Variants in ATP11C observed in about 807,000 individuals in gnomAD.
ATP11C encodes the protein ATPase phospholipid transporting 11C (ATP11C blood group), also known as phospholipid-transporting ATPase IG.
A neutral mutation model predicts 97.4 loss-of-function variants in ATP11C; 36 were observed. The observed-to-expected ratio is 0.37, with a 90% CI of 0.28 to 0.49. ATP11C has a LOEUF of 0.49. Among genes scored for constraint, ATP11C ranks in the 20% least tolerant of loss-of-function variants. The pLI, the probability that ATP11C is intolerant of heterozygous loss-of-function variation, is 0.98. For synonymous variants in ATP11C, 275 were observed against 290.9 expected (o/e 0.95, Z 0.56); for missense variants, 730 against 824.6 (o/e 0.89, Z 1.40).
chrX:139,799,644 CTTTTTTTTTTTTTTTTT>C (rs754371113), intron 8 of ATP11C, among the ~76,000 whole-genome samples: 1 of 60,368 alleles, frequency 1.7e-5, no homozygotes, highest in Non-Finnish European at 2.7e-5. Context: ...CTTTATATTC[CTTTTTTTTTTTTTTTTT>C]TTTTTTTTGA....
intron 1 of ATP11C, among the ~76,000 whole-genome samples, chrX:139,891,197 C>CAA (rs35280856): frequency 0.11 from 3,985 of 35,285 alleles, 153 homozygotes; most frequent in Non-Finnish European, 0.16. Flanking sequence ...AGAGATTGGC[C>CAA]AAAAAAAAAA....
At chrX:139,863,121 T>C (rs2084229557) in intron 1 of ATP11C, among the ~76,000 whole-genome samples, 1 of 112,339 alleles carries the variant, frequency 8.9e-6, no homozygotes, top group African/African-American at 3.2e-5. Flanking sequence ...TAATGACTTG[T>C]TCAGGGAAAA....
At chrX:139,908,924 A>T (rs903171691) in intron 1 of ATP11C, among the ~76,000 whole-genome samples, 13 of 111,960 alleles carry the variant, frequency 1.2e-4, no homozygotes, top group Non-Finnish European at 1.7e-4. Flanking sequence ...CTTTAGGACC[A>T]TGCCAACTGG....
At chrX:139,799,200 G>A (rs762282562) in intron 8 of ATP11C, among the ~76,000 whole-genome samples, 2 of 111,670 alleles carry the variant, frequency 1.8e-5, no homozygotes, top group Admixed American at 1.9e-4. Flanking sequence ...TTTGAGTGTG[G>A]CTGTAAAGGC....
At chrX:139,841,428 C>A (rs1371920231) in intron 1 of ATP11C, among the ~76,000 whole-genome samples, 1 of 112,526 alleles carries the variant, frequency 8.9e-6, no homozygotes, top group Non-Finnish European at 1.9e-5. Context: ...ATTGTTTCTA[C>A]AAAGGGTGAG....
chrX:139,884,698 G>A (rs2084612829), intron 1 of ATP11C, among the ~76,000 whole-genome samples: 1 of 111,833 alleles, frequency 8.9e-6, no homozygotes, highest in Non-Finnish European at 1.9e-5. Flanking sequence ...ACTTGAGAAG[G>A]AGTGAAAAGT....
At chrX:139,802,367 A>G (rs2067273417) in intron 6 of ATP11C, 28 bp from the exon 7 acceptor site, 7 of 1,017,921 alleles carry the variant, frequency 6.9e-6, no homozygotes, top group Non-Finnish European at 9.6e-6. Context: ...AAAAAGTGAA[A>G]ACCAAAAAAA....
intron 5 of ATP11C, among the ~76,000 whole-genome samples, chrX:139,810,080 G>T (rs1460783758): frequency 8.9e-6 from 1 of 112,070 alleles, no homozygotes; most frequent in South Asian, 3.7e-4. Flanking sequence ...AAAGTAAAAC[G>T]TATGACAACA....
chrX:139,737,104 CA>C (rs2148617504), intron 28 of ATP11C, among the ~76,000 whole-genome samples: 1 of 110,355 alleles, frequency 9.1e-6, no homozygotes, highest in East Asian at 2.9e-4. Context: ...TAGTTGGTGT[CA>C]ATATGACAGA....
intron 1 of ATP11C, among the ~76,000 whole-genome samples, chrX:139,925,985 T>C (rs745744990): frequency 8.9e-6 from 1 of 112,208 alleles, no homozygotes; most frequent in Non-Finnish European, 1.9e-5. Context: ...TGTGTGGGCA[T>C]AGGGCATCCT....
chrX:139,896,984 T>C (rs1284043886), intron 1 of ATP11C, among the ~76,000 whole-genome samples: 2 of 110,939 alleles, frequency 1.8e-5, no homozygotes, highest in Non-Finnish European at 3.8e-5. Flanking sequence ...TCCCAGCACT[T>C]TGGAAGGCCG....
intron 1 of ATP11C, chrX:139,832,412 C>T: frequency 1.4e-6 from 1 of 700,412 alleles, no homozygotes; most frequent in East Asian, 3.9e-5. Flanking sequence ...AGTACTCTGG[C>T]GGCCTTAGCC....
Position 139,800,079 on chromosome X carries a change from T to G in ATP11C, c.691A>C (p.Ser231Arg). 9.2e-7 allele frequency: 1 copy of G among 1,088,192 alleles called. No homozygotes were observed. Among genetic ancestry groups the G allele is most frequent in the Non-Finnish European group, 1.2e-6 (1 of 820,777 alleles). The allele number at this position is 1,088,192 out of a possible 1,213,427, so 89.7% of individuals were successfully genotyped here. ...ACTTACCTGGCAACAGCCTCAAGAC[T>G]ATTACTGTAGATATTGATTCGCCCA... ...FVGRINIYSN[S>R]LEAVARSLGP... is the part of the protein sequence containing the mutation. The change falls in exon 8 of 30, where the codon AGT becomes CGT. Residue 231 changes from serine (S) to arginine (R), a missense_variant. Coordinates refer to ENST00000682941, the MANE Select transcript of ATP11C (RefSeq NM_001353812.2).
intron 1 of ATP11C, among the ~76,000 whole-genome samples, chrX:139,925,106 A>C: frequency 9.0e-6 from 1 of 111,721 alleles, no homozygotes; most frequent in East Asian, 2.8e-4. Flanking sequence ...AGGTGAACAG[A>C]GAGTGTGCCC....
chrX:139,774,815 G>C lies in ATP11C; in HGVS notation c.2091C>G (p.Leu697=). The part of the protein sequence containing the change: ...ACRLFQTNTE[L]LELTTKTIEE... ...CAATGGTTTTTGTGGTTAGTTCTAA[G>C]AGCTCAGTGTTGGTCTGGAAAAGGC... is the stretch of plus-strand genomic sequence containing the variant. The change falls in exon 19 of 30, where the codon CTC becomes CTG. Residue 697 remains leucine (L), a synonymous_variant. Coordinates refer to ENST00000682941, the MANE Select transcript of ATP11C (RefSeq NM_001353812.2). 1 of 1,211,589 alleles carries C rather than the reference G, an allele frequency of 8.3e-7. No homozygotes were observed. The highest frequency in any genetic ancestry group is 1.1e-6 in the Non-Finnish European group (1 of 895,476).
chrX:139,727,991 A>C lies in ATP11C; in HGVS notation c.*975T>G, dbSNP rs979886246. Reference sequence around the variant, plus strand: ...AGAAAAAGCACTGCATATATGCATAAATGCAATCTCTTTCAAATAAAAACC... The same window carrying C: ...AGAAAAAGCACTGCATATATGCATACATGCAATCTCTTTCAAATAAAAACC... On this transcript the variant is annotated 3_prime_UTR_variant, in exon 30 of 30. Coordinates refer to ENST00000682941, the MANE Select transcript of ATP11C (RefSeq NM_001353812.2). 2 of 112,564 alleles carry C rather than the reference A, an allele frequency of 1.8e-5. No homozygotes were observed. Among genetic ancestry groups the C allele is most frequent in the Non-Finnish European group, 3.8e-5 (2 of 53,135 alleles). 9.3% of individuals were successfully genotyped at this position (112,564 alleles called of 1,213,427 possible).
chrX:139,864,669 C>A (rs1041559224), intron 1 of ATP11C, among the ~76,000 whole-genome samples: 18 of 112,208 alleles, frequency 1.6e-4, no homozygotes, highest in Non-Finnish European at 3.8e-5. Context: ...CCATCACCAT[C>A]ACCCACGCTC....
chrX:139,907,335 C>G (rs918678595), intron 1 of ATP11C, among the ~76,000 whole-genome samples: 1 of 111,682 alleles, frequency 9.0e-6, no homozygotes, highest in African/African-American at 3.3e-5. Flanking sequence ...TTTCTGTCAC[C>G]TTCCTAAAGA....
intron 29 of ATP11C, among the ~76,000 whole-genome samples, chrX:139,731,142 C>T (rs1274639987): frequency 9.0e-6 from 1 of 111,430 alleles, no homozygotes; most frequent in Non-Finnish European, 1.9e-5. Flanking sequence ...TTTACAAGGA[C>T]ATAAGTGTAT....
Sources: gnomAD v4.1 joint callset for allele counts (sites outside exome capture counted in the v4.1 genomes callset) on GRCh38, gnomAD v4.1.1 for gene constraint, MANE v1.5 for transcripts, NCBI Gene and HGNC (gene_info 2026-07-23, HGNC 2026-07-21) for gene names.